The following CUX1 variants were observed in gnomAD, a reference collection of about 807,000 sequenced individuals.
The protein encoded by CUX1 is cut like homeobox 1, also known as protein CASP.
CUX1 carries 31 observed loss-of-function variants against 158.8 expected under a neutral mutation model. That is an observed-to-expected ratio of 0.20 (90% CI 0.15 to 0.26). The LOEUF is 0.26. Among genes scored for constraint, CUX1 ranks in the 10% least tolerant of loss-of-function variants. The pLI is 1.00. For missense variants in CUX1, 1,589 were observed against 2,014.6 expected, an observed-to-expected ratio of 0.79 and a Z score of 4.04; for synonymous variants, 879 against 862.1, an observed-to-expected ratio of 1.02 and a Z score of -0.34.
intron 1 of CUX1, among the ~76,000 whole-genome samples, chr7:101,828,557 C>T (rs1212088632): frequency 6.6e-6 from 1 of 152,164 alleles, no homozygotes; most frequent in Non-Finnish European, 1.5e-5. Flanking sequence ...AAGAGAAACC[C>T]AGCAGCAAGA....
intron 1 of CUX1, among the ~76,000 whole-genome samples, chr7:101,829,735 G>T (rs573323628): frequency 6.6e-6 from 1 of 152,162 alleles, no homozygotes; most frequent in Non-Finnish European, 1.5e-5. Flanking sequence ...CCTGGCTGGA[G>T]CCTTGCCCTG....
At chr7:102,030,096 C>G (rs772294961) in intron 3 of CUX1, among the ~76,000 whole-genome samples, 1 of 151,882 alleles carries the variant, frequency 6.6e-6, no homozygotes, top group Non-Finnish European at 1.5e-5. Context: ...GCTGCAACCT[C>G]CGCCTCCTGG....
At chr7:101,970,786 C>A (rs1811857082) in intron 2 of CUX1, among the ~76,000 whole-genome samples, 1 of 152,092 alleles carries the variant, frequency 6.6e-6, no homozygotes, top group Non-Finnish European at 1.5e-5. Flanking sequence ...GAACTCCTGA[C>A]CTCAGCTGAC....
chr7:102,063,472 G>A (rs889760583), intron 3 of CUX1, among the ~76,000 whole-genome samples: 9 of 137,690 alleles, frequency 6.5e-5, no homozygotes, highest in African/African-American at 1.6e-4. Context: ...CACTGCAAGC[G>A]CGGCCTCCCG....
chr7:101,958,684 T>C (rs1810074708), intron 2 of CUX1, among the ~76,000 whole-genome samples: 1 of 151,552 alleles, frequency 6.6e-6, no homozygotes, highest in South Asian at 2.1e-4. Context: ...TTCACCATGT[T>C]GGCCAGGCTG....
Position 102,250,850 on chromosome 7 carries a change from T to G in CUX1, c.*1808T>G, listed in dbSNP as rs1801438497. On this transcript the variant is annotated 3_prime_UTR_variant, in exon 24 of 24. Transcript: ENST00000292535. ...CTTAAGTACCTGTGCACACGTAGAG[T>G]GCATTACTGCCACCTTTTTCAATAA... is the stretch of plus-strand genomic sequence containing the variant. The G allele has an allele frequency of 1.2e-5, 12 of 985,286 alleles. No individual in the cohort carries two copies. The highest frequency in any genetic ancestry group is 1.7e-5 in the African/African-American group (1 of 57,232). The allele number at this position is 985,286 out of a possible 1,614,324, so 61.0% of individuals were successfully genotyped here.
intron 2 of CUX1, among the ~76,000 whole-genome samples, chr7:101,937,491 G>A (rs1807083109): frequency 6.6e-6 from 1 of 151,942 alleles, no homozygotes; most frequent in Non-Finnish European, 1.5e-5. Flanking sequence ...AGGGAAAAGG[G>A]ATAAATCAAA....
intron 3 of CUX1, among the ~76,000 whole-genome samples, chr7:102,069,419 T>G (rs1365092687): frequency 6.6e-6 from 1 of 152,102 alleles, no homozygotes; most frequent in Non-Finnish European, 1.5e-5. Context: ...ACTCCAGGAA[T>G]AGAGCACAAG....
chr7:101,908,152 G>T (rs1584946298), intron 1 of CUX1, among the ~76,000 whole-genome samples: 2 of 152,182 alleles, frequency 1.3e-5, no homozygotes, highest in South Asian at 4.1e-4. Flanking sequence ...CCTTGTGTAG[G>T]TAGAAGCAGA....
chr7:102,242,209 T>TC (rs1307011347), intron 23 of CUX1, among the ~76,000 whole-genome samples: 3 of 143,230 alleles, frequency 2.1e-5, no homozygotes, highest in African/African-American at 7.7e-5. Flanking sequence ...TTCTTTCTTT[T>TC]TTTTTTTTTT....
At chr7:101,983,698 A>T (rs1017709986) in intron 2 of CUX1, among the ~76,000 whole-genome samples, 4 of 152,076 alleles carry the variant, frequency 2.6e-5, no homozygotes, top group Non-Finnish European at 5.9e-5. Context: ...GAGAGTGAGA[A>T]GGGGGAGGTC....
At chr7:102,268,918 T>C (rs1554545623) in intron 14 of CUX1, among the ~76,000 whole-genome samples, 1 of 149,100 alleles carries the variant, frequency 6.7e-6, no homozygotes, top group Non-Finnish European at 1.5e-5. Context: ...CAGGCCCCAC[T>C]TCCAACACTG....
chr7:101,980,058 A>G (rs1403032903), intron 2 of CUX1, among the ~76,000 whole-genome samples: 1 of 151,898 alleles, frequency 6.6e-6, no homozygotes. Context: ...GCGGGGCCCT[A>G]CCCTTGAGCT....
At position 102,254,100 on chromosome 7, in the gene CUX1, G is replaced by A; in HGVS notation, c.*5058G>A. 1.0e-6 allele frequency: 1 copy of A among 985,428 alleles called. No individual in the cohort carries two copies. Among genetic ancestry groups the A allele is most frequent in the South Asian group, 4.7e-5 (1 of 21,276 alleles). 61.0% of individuals were successfully genotyped at this position (985,428 alleles called of 1,614,324 possible). ...TCTCTCCTTTTGTGAGCGCAACACG[G>A]ACAAACAGCTGTGCTCTGCAAGGCA... On this transcript the variant is annotated 3_prime_UTR_variant, in exon 24 of 24. Coordinates refer to ENST00000292535, the MANE Select transcript of CUX1 (RefSeq NM_181552.4).
chr7:102,180,172 G>A (rs115977005), intron 11 of CUX1, among the ~76,000 whole-genome samples: 2,145 of 152,004 alleles, frequency 0.014, 37 homozygotes, highest in African/African-American at 0.048. Flanking sequence ...ACAGTCACGC[G>A]CCACCATGCC....
chr7:102,159,215 T>C (rs535174605), intron 9 of CUX1, among the ~76,000 whole-genome samples: 11 of 151,958 alleles, frequency 7.2e-5, no homozygotes, highest in African/African-American at 2.4e-4. Flanking sequence ...CACGGTGTTA[T>C]CCTAGGAGAG....
intron 4 of CUX1, among the ~76,000 whole-genome samples, chr7:102,091,064 T>C (rs1828535474): frequency 6.6e-6 from 1 of 152,210 alleles, no homozygotes; most frequent in African/African-American, 2.4e-5. Flanking sequence ...TGAACCATTT[T>C]TGTAAAAGGT....
chr7:102,167,085 T>C (rs1195508597), intron 9 of CUX1, among the ~76,000 whole-genome samples: 12 of 152,016 alleles, frequency 7.9e-5, no homozygotes, highest in African/African-American at 1.7e-4. Context: ...CTGGCCAACA[T>C]GGTGAAACCC....
chr7:102,115,036 A>G (rs1209974174), intron 7 of CUX1, among the ~76,000 whole-genome samples, 171 bp from the exon 8 acceptor site: 2 of 152,058 alleles, frequency 1.3e-5, no homozygotes, highest in South Asian at 2.1e-4. Context: ...TTCCTATTCC[A>G]TTTTTTGTAT....
Sources: gnomAD v4.1 joint callset for allele counts (sites outside exome capture counted in the v4.1 genomes callset) on GRCh38, gnomAD v4.1.1 for gene constraint, MANE v1.5 for transcripts, NCBI Gene and HGNC (gene_info 2026-07-23, HGNC 2026-07-21) for gene names.